Variants in POU2F1 observed in about 807,000 individuals in gnomAD.
The protein encoded by POU2F1 is POU class 2 homeobox 1, also known as POU domain, class 2, transcription factor 1.
In POU2F1, 16 loss-of-function variants were observed where a neutral mutation model predicts 84.9. The ratio of observed to expected loss-of-function variants is 0.19; its 90% CI spans 0.13 to 0.29. The LOEUF is 0.29. Ranked by LOEUF, POU2F1 falls within the 10% of genes least tolerant of loss-of-function variation. The pLI, the probability that POU2F1 is intolerant of heterozygous loss-of-function variation, is 1.00. For synonymous variants in POU2F1, 368 were observed against 368.3 expected (o/e 1.00, Z 0.01); for missense variants, 738 against 942.6 (o/e 0.78, Z 2.84).
intron 2 of POU2F1, among the ~76,000 whole-genome samples, chr1:167,334,563 C>T (rs1015715281): frequency 6.6e-6 from 1 of 152,142 alleles, no homozygotes; most frequent in Admixed American, 6.5e-5. Context: ...ATTTAAGCAA[C>T]ACATTGTGTA....
chr1:167,332,701 G>A (rs1657156588), intron 2 of POU2F1, among the ~76,000 whole-genome samples, 166 bp downstream of exon 2: 1 of 152,184 alleles, frequency 6.6e-6, no homozygotes, highest in African/African-American at 2.4e-5. Flanking sequence ...GTTTGTTTAA[G>A]ATTACTTAAC....
intron 13 of POU2F1, among the ~76,000 whole-genome samples, chr1:167,404,823 T>A (rs977939857): frequency 3.3e-5 from 5 of 152,230 alleles, no homozygotes; most frequent in African/African-American, 1.2e-4. Flanking sequence ...TTCTCCACCA[T>A]CCAGTTTTAT....
At chr1:167,407,136 T>A (rs189621707) in intron 13 of POU2F1, among the ~76,000 whole-genome samples, 17 of 152,162 alleles carry the variant, frequency 1.1e-4, no homozygotes, top group Admixed American at 1.1e-3. Flanking sequence ...GCTCAAGCAG[T>A]CCTCCCACTT....
At chr1:167,240,013 C>T (rs1040184020) in intron 1 of POU2F1, among the ~76,000 whole-genome samples, 1 of 150,508 alleles carries the variant, frequency 6.6e-6, no homozygotes, top group Non-Finnish European at 1.5e-5. Context: ...TGACACACAA[C>T]TCAAATGCCA....
rs368953764 is a variant in POU2F1 at position 167,376,875 on chromosome 1, C to T, written c.718+720C>T. ...TCAGAGATAAGTAATTCAGTATTTA[C>T]TTGCAGAGGGCTCACAATTTAGTGG... On this transcript the variant is annotated intron_variant, in intron 7 of 15. Transcript: ENST00000367866. Among the ~76,000 whole-genome samples the T allele has an allele frequency of 2.0e-4, 31 of 152,184 alleles. No homozygotes were observed. The East Asian group carries it at 4.1e-3, about 20-fold the overall frequency.
chr1:167,344,172 T>C (rs1182928070), intron 2 of POU2F1, among the ~76,000 whole-genome samples: 2 of 152,212 alleles, frequency 1.3e-5, no homozygotes, highest in African/African-American at 4.8e-5. Context: ...GACTACCATA[T>C]TGGCCAGTAC....
intron 15 of POU2F1, among the ~76,000 whole-genome samples, chr1:167,413,452 C>G (rs1383210491): frequency 6.6e-6 from 1 of 151,974 alleles, no homozygotes; most frequent in Non-Finnish European, 1.5e-5. Context: ...AAGTTTATCC[C>G]AAGTATTAAT....
intron 1 of POU2F1, among the ~76,000 whole-genome samples, chr1:167,261,793 T>G (rs967708479): frequency 6.6e-6 from 1 of 152,236 alleles, no homozygotes; most frequent in Non-Finnish European, 1.5e-5. Context: ...CAAACGATTC[T>G]CATACCTCAG....
In POU2F1 at chr1:167,421,559, T is replaced by C. The variant is rs1025224976; in HGVS notation, c.*5749T>C. The C allele has an allele frequency of 1.3e-5, 2 of 152,228 alleles. No individual in the cohort carries two copies. Among genetic ancestry groups the C allele is most frequent in the Non-Finnish European group, 2.9e-5 (2 of 68,040 alleles). The allele number at this position is 152,228 out of a possible 1,614,324, so 9.4% of individuals were successfully genotyped here. ...ATTAAGTAGTTCCTTGTTTTGGCCC[T>C]TCTACTCTTGGCCTTAGCTAAAAGC... On this transcript the variant is annotated 3_prime_UTR_variant, in exon 16 of 16. Coordinates refer to ENST00000367866, the MANE Select transcript of POU2F1 (RefSeq NM_002697.4).
At chr1:167,381,050 A>G (rs1420368361) in intron 7 of POU2F1, 1 of 151,806 alleles carries the variant, frequency 6.6e-6, no homozygotes, top group Non-Finnish European at 1.5e-5. Context: ...TTGGGTTTTC[A>G]TTGTTTAGGT....
In POU2F1 at chr1:167,353,349, C is replaced by CTT. The variant is rs769922058; in HGVS notation, c.128-12105_128-12104dup. On this transcript the variant is annotated intron_variant, in intron 2 of 15. Transcript: ENST00000367866. The stretch of plus-strand genomic sequence containing the variant: ...TTTTTCTGTTTTTACCTACCTTCTC[C>CTT]TTTTTTTTTTTTTTGCATCTGACAA... 5.1e-3 allele frequency among the ~76,000 whole-genome samples: 724 copies of CTT among 142,034 alleles called. 11 individuals are homozygous for CTT. Among genetic ancestry groups the CTT allele is most frequent in the African/African-American group, 0.018 (684 of 38,762 alleles). 93.2% of individuals were successfully genotyped at this position (142,034 alleles called of 152,430 possible). A position where few individuals can be genotyped will look rare whatever the true frequency, so the allele number is the denominator to read the frequency against.
intron 1 of POU2F1, among the ~76,000 whole-genome samples, chr1:167,277,169 C>T (rs916422513): frequency 6.6e-6 from 1 of 152,010 alleles, no homozygotes; most frequent in Admixed American, 6.6e-5. Flanking sequence ...TGAGGTCGTG[C>T]TTTCTCGGTT....
intron 1 of POU2F1, among the ~76,000 whole-genome samples, chr1:167,274,146 C>T (rs1382302206): frequency 1.3e-5 from 2 of 152,138 alleles, no homozygotes; most frequent in Non-Finnish European, 2.9e-5. Context: ...TTTCTTTGCT[C>T]ACATTAAGAA....
chr1:167,224,793 C>T (rs770111435), intron 1 of POU2F1, among the ~76,000 whole-genome samples: 28 of 148,980 alleles, frequency 1.9e-4, no homozygotes, highest in Admixed American at 1.7e-3. Flanking sequence ...TAGTTTCCTG[C>T]GTATTTCTAG....
chr1:167,356,873 C>T (rs1475154202), intron 2 of POU2F1, among the ~76,000 whole-genome samples: 1 of 152,190 alleles, frequency 6.6e-6, no homozygotes, highest in Non-Finnish European at 1.5e-5. Context: ...CCTCCTTACC[C>T]TTGGGAGGTG....
At chr1:167,363,587 A>T (rs900601753) in intron 2 of POU2F1, among the ~76,000 whole-genome samples, 2 of 152,208 alleles carry the variant, frequency 1.3e-5, no homozygotes, top group African/African-American at 2.4e-5. Context: ...GGAAAAAAAT[A>T]AAAAATAAAG....
At chr1:167,410,679 C>T (rs1406359494) in intron 13 of POU2F1, among the ~76,000 whole-genome samples, 1 of 151,970 alleles carries the variant, frequency 6.6e-6, no homozygotes, top group African/African-American at 2.4e-5. Flanking sequence ...CCATGCCTGG[C>T]TAATTTTTGT....
chr1:167,426,703 T>G lies in POU2F1; in HGVS notation c.*10893T>G, dbSNP rs185589975. On this transcript the variant is annotated 3_prime_UTR_variant, in exon 16 of 16. Coordinates refer to ENST00000367866, the MANE Select transcript of POU2F1 (RefSeq NM_002697.4). ...GAATTGGCCCCCGGCCTCCTAGAAC[T>G]TTTTGTTTTATGTACTTTAAAATGT... 9 of 152,358 alleles carry G rather than the reference T, an allele frequency of 5.9e-5. No individual in the cohort carries two copies. The highest frequency in any genetic ancestry group is 1.2e-4 in the Non-Finnish European group (8 of 68,032). The allele number at this position is 152,358 out of a possible 1,614,324, so 9.4% of individuals were successfully genotyped here. A position where few individuals can be genotyped will look rare whatever the true frequency, so the allele number is the denominator to read the frequency against.
chr1:167,268,985 G>T (rs1652174852), intron 1 of POU2F1, among the ~76,000 whole-genome samples: 1 of 152,158 alleles, frequency 6.6e-6, no homozygotes, highest in Non-Finnish European at 1.5e-5. Context: ...AGACAGGCAG[G>T]TGGGAATAAA....
Sources: gnomAD v4.1 joint callset for allele counts (sites outside exome capture counted in the v4.1 genomes callset) on GRCh38, gnomAD v4.1.1 for gene constraint, MANE v1.5 for transcripts, NCBI Gene and HGNC (gene_info 2026-07-23, HGNC 2026-07-21) for gene names.